Variants in POLD1 observed in about 807,000 individuals in gnomAD.
The protein encoded by POLD1 is DNA polymerase delta 1, catalytic subunit.
POLD1 carries 79 observed loss-of-function variants against 129.7 expected under a neutral mutation model. The ratio of observed to expected loss-of-function variants is 0.61; its 90% CI spans 0.51 to 0.73. The LOEUF is 0.73. Among genes scored for constraint, POLD1 ranks in the 30% least tolerant of loss-of-function variants. The pLI is 0.00. For missense variants in POLD1, 1,338 were observed against 1,595.8 expected (o/e 0.84, Z 2.75); for synonymous variants, 714 against 683.3 (o/e 1.04, Z -0.70).
Position 50,407,407 on chromosome 19 carries a change from C to A in POLD1, c.1767C>A (p.Pro589=). The change falls in exon 14 of 27, where the codon CCC becomes CCA. Residue 589 remains proline, a synonymous_variant. Transcript: ENST00000440232. The part of the protein sequence containing the change: ...EDYTGATVIE[P]LKGYYDVPIA... ...ACACGGGAGCCACTGTCATCGAGCC[C>A]CTCAAAGGGTGAGGCCCCAGGCTGG... 1 of 1,603,110 alleles carries A rather than the reference C, an allele frequency of 6.2e-7. No homozygotes were observed. The highest frequency in any genetic ancestry group is 1.1e-5 in the South Asian group (1 of 89,982).
intron 1 of POLD1, among the ~76,000 whole-genome samples, chr19:50,394,373 C>T (rs995773367): frequency 1.5e-4 from 23 of 152,086 alleles, no homozygotes; most frequent in Admixed American, 1.0e-3. Context: ...AAAGCAAAGC[C>T]GGGCGCGGTG....
intron 1 of POLD1, among the ~76,000 whole-genome samples, chr19:50,396,727 G>C (rs1466016257): frequency 6.6e-6 from 1 of 151,972 alleles, no homozygotes; most frequent in Non-Finnish European, 1.5e-5. Context: ...TGATTCACCT[G>C]CCTCCTAAAG....
intron 1 of POLD1, among the ~76,000 whole-genome samples, chr19:50,397,074 G>A (rs1363416988): frequency 1.6e-5 from 2 of 128,482 alleles, no homozygotes; most frequent in Non-Finnish European, 3.2e-5. Flanking sequence ...CTGGGTGACA[G>A]AGCGAGACTC....
Position 50,403,543 on chromosome 19 carries a change from C to T in POLD1, c.1188C>T (p.Tyr396=). ...TGGACCCCGACGTGATCACCGGTTA[C>T]AACATCCAGAACTTCGACCTTCCGT... ...RIMDPDVITG[Y]NIQNFDLPYL... is the part of the protein sequence containing the mutation. Residue 396 remains tyrosine (Y), a synonymous_variant, in exon 10 of 27, where the codon TAC becomes TAT. Coordinates refer to ENST00000440232, the MANE Select transcript of POLD1 (RefSeq NM_002691.4). 2 of 1,614,096 alleles carry T rather than the reference C, an allele frequency of 1.2e-6. No homozygotes were observed. Among genetic ancestry groups the T allele is most frequent in the Non-Finnish European group, 1.7e-6 (2 of 1,179,932 alleles).
chr19:50,418,005 A>G lies in POLD1; in HGVS notation c.*58A>G. Reference sequence around the variant, plus strand: ...CCAGGGAGAATTAATAAAGTTCTGGACTTTTGCTATATGGTGCTTTGTGGT... The same window carrying G: ...CCAGGGAGAATTAATAAAGTTCTGGGCTTTTGCTATATGGTGCTTTGTGGT... On this transcript the variant is annotated 3_prime_UTR_variant, in exon 27 of 27. Transcript: ENST00000440232. The surrounding 1 kb of genome is among the most constrained non-coding windows in gnomAD (Gnocchi z 6.0). 1 of 1,102,852 alleles carries G rather than the reference A, an allele frequency of 9.1e-7. No homozygotes were observed. Among genetic ancestry groups the G allele is most frequent in the Non-Finnish European group, 1.4e-6 (1 of 736,742 alleles). 68.3% of individuals were successfully genotyped at this position (1,102,852 alleles called of 1,614,324 possible). A position where few individuals can be genotyped will look rare whatever the true frequency, so the allele number is the denominator to read the frequency against.
In POLD1 at chr19:50,402,752, G is replaced by T; in HGVS notation, c.970+11G>T. 1.9e-6 allele frequency: 3 copies of T among 1,577,688 alleles called. No homozygotes were observed. Among genetic ancestry groups the T allele is most frequent in the Non-Finnish European group, 1.7e-6 (2 of 1,157,108 alleles). On this transcript the variant is annotated intron_variant, in intron 8 of 26. Coordinates refer to ENST00000440232, the MANE Select transcript of POLD1 (RefSeq NM_002691.4). The stretch of plus-strand genomic sequence containing the variant: ...GCGCCGGCCGCAAAGGTCTGTCCCC[G>T]GGCCCGGGCTCCTGCCCGCCTCATT...
Position 50,407,170 on chromosome 19 carries a change from G to A in POLD1, c.1682G>A (p.Arg561Gln), listed in dbSNP as rs750466994. The A allele has an allele frequency of 1.2e-5, 19 of 1,602,008 alleles. No homozygotes were observed. Among genetic ancestry groups the A allele is most frequent in the East Asian group, 9.0e-5 (4 of 44,568 alleles). Residue 561 changes from arginine to glutamine, a missense_variant, in exon 13 of 27, where the codon CGG becomes CAG. Transcript: ENST00000440232. The stretch of plus-strand genomic sequence containing the variant: ...GTCAAGGTCGTATCCCAGCTGTTGC[G>A]GCAGGTCAGTAGCCGAGACTTGTCC... Reference protein sequence around the residue: ...QQVKVVSQLLRQAMHEGLLMP... With the variant: ...QQVKVVSQLLQQAMHEGLLMP...
rs1413839068 is a variant in POLD1 at position 50,398,996 on chromosome 19, A to G, written c.145A>G (p.Arg49Gly). 3.2e-6 allele frequency: 5 copies of G among 1,566,614 alleles called. No homozygotes were observed. In the South Asian group the frequency reaches 5.9e-5, roughly 18 times the overall value. Residue 49 changes from arginine (R) to glycine (G), a missense_variant, in exon 2 of 27, where the codon AGG becomes GGG. Around this residue, in one of 3 missense-constraint regions of POLD1, gnomAD observed 332 missense variants for 315.7 expected, o/e 1.05. Coordinates refer to ENST00000440232, the MANE Select transcript of POLD1 (RefSeq NM_002691.4). ...GATGGAGGAGATGGAGGCAGAACAC[A>G]GGCTGCAGGAGCAGGAGGAGGAGGA... ...ALMEEMEAEH[R>G]LQEQEEEELQ... is the part of the protein sequence containing the mutation.
Position 50,402,551 on chromosome 19 carries a change from G to T in POLD1, c.840+16G>T, listed in dbSNP as rs2122252623. 1 of 1,582,454 alleles carries T rather than the reference G, an allele frequency of 6.3e-7. No homozygotes were observed. Among genetic ancestry groups the T allele is most frequent in the Non-Finnish European group, 8.6e-7 (1 of 1,164,596 alleles). On this transcript the variant is annotated intron_variant, in intron 7 of 26. Transcript: ENST00000440232. ...GAAGGAGAAGGTGCAGGGCTTCCCA[G>T]GGCAGGGCTGGGTGGGGAGCTGGTA...
intron 1 of POLD1, among the ~76,000 whole-genome samples, chr19:50,395,389 A>C (rs1047661598): frequency 1.3e-5 from 2 of 151,736 alleles, no homozygotes; most frequent in African/African-American, 4.8e-5. Flanking sequence ...AGGTCAGGAG[A>C]TTGAGACCAC....
chr19:50,407,418 G>A lies in POLD1; in HGVS notation c.1775+3G>A. On this transcript the variant is annotated splice_donor_region_variant and intron_variant, in intron 14 of 26. Transcript: ENST00000440232. ...ACTGTCATCGAGCCCCTCAAAGGGT[G>A]AGGCCCCAGGCTGGGTGCAGTTTTT... is the stretch of plus-strand genomic sequence containing the variant. 3.1e-6 allele frequency: 5 copies of A among 1,592,262 alleles called. No individual in the cohort carries two copies. The highest frequency in any genetic ancestry group is 1.1e-5 in the South Asian group (1 of 88,872).
Position 50,406,595 on chromosome 19 carries a change from C to CTG in POLD1, c.1494+78_1494+79insTG. On this transcript the variant is annotated intron_variant, in intron 12 of 26. Transcript: ENST00000440232. The surrounding 1 kb of genome is among the most constrained non-coding windows in gnomAD (Gnocchi z 5.5). ...CTTCCCCGGCCTCTGACCTCAACTT[C>CTG]ACGCCCCCACGTCTGACCTCACTCT... 9.6e-7 allele frequency: 1 copy of CTG among 1,039,880 alleles called. No homozygotes were observed. The highest frequency in any genetic ancestry group is 1.5e-6 in the Non-Finnish European group (1 of 687,178). 64.4% of individuals were successfully genotyped at this position (1,039,880 alleles called of 1,614,324 possible).
chr19:50,416,834 G>A (rs1400029316), intron 24 of POLD1, 111 bp downstream of exon 24: 2 of 983,380 alleles, frequency 2.0e-6, no homozygotes, highest in Non-Finnish European at 2.9e-6. Flanking sequence ...TGGGCCCAGG[G>A]CCCCTGGGTG....
chr19:50,402,885 C>T, intron 8 of POLD1, 144 bp downstream of exon 8: 2 of 1,353,140 alleles, frequency 1.5e-6, no homozygotes, highest in South Asian at 1.4e-5. Context: ...GGAGTGAGCA[C>T]AGAGGGTGTG....
intron 17 of POLD1, among the ~76,000 whole-genome samples, chr19:50,411,839 CA>C (rs34036962): frequency 0.019 from 2,410 of 129,510 alleles, 71 homozygotes; most frequent in African/African-American, 0.056. Flanking sequence ...AACTCCGTCT[CA>C]AAAAAAAAAA....
intron 21 of POLD1, 57 bp downstream of exon 21, chr19:50,415,647 G>A: frequency 1.3e-6 from 2 of 1,568,284 alleles, no homozygotes; most frequent in East Asian, 2.3e-5. Context: ...CTGCCAGCTG[G>A]GCCCACTTCC....
In POLD1 at chr19:50,416,434, C is replaced by T. The variant is rs1451419070; in HGVS notation, c.2859C>T (p.Asp953=). The T allele has an allele frequency of 2.6e-6, 4 of 1,550,036 alleles. No homozygotes were observed. The highest frequency in any genetic ancestry group is 3.5e-6 in the Non-Finnish European group (4 of 1,147,418). Residue 953 remains aspartate, a synonymous_variant, in exon 23 of 27, where the codon GAC becomes GAT. Coordinates refer to ENST00000440232, the MANE Select transcript of POLD1 (RefSeq NM_002691.4). ...TGCTGGAGCACAGCCTGCCCATTGA[C>T]ACGCAGTACTACCTGGAGCAGCAGC... ...LFVLEHSLPI[D]TQYYLEQQLA...
chr19:50,413,956 C>T (rs2039185764), intron 19 of POLD1, 77 bp downstream of exon 19: 5 of 1,427,908 alleles, frequency 3.5e-6, no homozygotes, highest in African/African-American at 1.4e-5. Context: ...TTTGGGTTCA[C>T]AAAAGCCACA....
In POLD1 at chr19:50,399,030, C is replaced by G. The variant is rs2038482013; in HGVS notation, c.179C>G (p.Ser60Ter). The G allele has an allele frequency of 1.3e-6, 2 of 1,556,440 alleles. No individual in the cohort carries two copies. Among genetic ancestry groups the G allele is most frequent in the Non-Finnish European group, 8.7e-7 (1 of 1,149,800 alleles). Residue 60 changes from serine (S) to a stop codon, truncating the protein, a stop_gained, in exon 2 of 27, where the codon TCA becomes TGA. Transcript: ENST00000440232. LOFTEE classifies it high-confidence loss of function. ...GAGCAGGAGGAGGAGGAGCTGCAGT[C>G]AGTCCTGGAGGGGGTTGCAGACGGT... Reference protein sequence around the residue: ...LQEQEEEELQSVLEGVADGQV... With the variant: ...LQEQEEEELQ
Sources: gnomAD v4.1 joint callset for allele counts (sites outside exome capture counted in the v4.1 genomes callset) on GRCh38, gnomAD v4.1.1 for gene constraint, gnomAD v4.1.1 regional missense constraint, Gnocchi (gnomAD v3.1) non-coding constraint, MANE v1.5 for transcripts, NCBI Gene and HGNC (gene_info 2026-07-23, HGNC 2026-07-21) for gene names.